Variants in SOX6 observed in about 807,000 individuals in gnomAD.
SOX6 encodes SRY-box transcription factor 6.
A neutral mutation model predicts 97.8 loss-of-function variants in SOX6; 11 were observed. The observed-to-expected ratio is 0.11, with a 90% CI of 0.07 to 0.19. The LOEUF (loss-of-function observed/expected upper bound fraction) is 0.19, where lower values mean the gene tolerates loss of function less well. Among genes scored for constraint, SOX6 ranks in the 10% least tolerant of loss-of-function variants. The pLI, the probability that SOX6 is intolerant of heterozygous loss-of-function variation, is 1.00. For missense variants in SOX6, 810 were observed against 1,039.5 expected (o/e 0.78, Z 3.04); for synonymous variants, 360 against 371.4 (o/e 0.97, Z 0.35).
At chr11:16,442,925 C>T (rs934141639) in intron 1 of SOX6, among the ~76,000 whole-genome samples, 1 of 152,120 alleles carries the variant, frequency 6.6e-6, no homozygotes, top group African/African-American at 2.4e-5. Context: ...AGGTTCATAT[C>T]AGGAAATAAT....
chr11:16,098,486 G>A (rs1026430846), intron 7 of SOX6, among the ~76,000 whole-genome samples: 67 of 151,798 alleles, frequency 4.4e-4, no homozygotes, highest in Admixed American at 3.9e-4. Flanking sequence ...TTCCTAAAAA[G>A]GGAGACGGAA....
In SOX6 at chr11:16,548,238, T is replaced by G. The variant is rs182569006; in HGVS notation, n.609+63843A>C. Among the ~76,000 whole-genome samples, 596 of 151,864 alleles carry G rather than the reference T, an allele frequency of 3.9e-3. 3 individuals carry two copies. Among genetic ancestry groups the G allele is most frequent in the African/African-American group, 0.014 (574 of 41,410 alleles). On this transcript the variant is annotated intron_variant and non_coding_transcript_variant, in intron 4 of 5. Transcript: ENST00000524520. ...CAAATAAATGTTTAGAGAGAATTCA[T>G]CAGCAGCAGCTCTACACTGCAAAAT...
chr11:16,379,679 G>A (rs1333464110), intron 1 of SOX6, among the ~76,000 whole-genome samples: 1 of 151,990 alleles, frequency 6.6e-6, no homozygotes, highest in African/African-American at 2.4e-5. Context: ...TTCCTGGGGG[G>A]CATTTTGGCA....
chr11:16,700,311 A>G (rs922184953), intron 3 of SOX6, among the ~76,000 whole-genome samples: 3 of 152,224 alleles, frequency 2.0e-5, no homozygotes, highest in Admixed American at 2.0e-4. Context: ...AGAACAAAGC[A>G]TTGATAACAG....
At chr11:16,377,336 T>C (rs185199542) in intron 1 of SOX6, among the ~76,000 whole-genome samples, 2 of 152,230 alleles carry the variant, frequency 1.3e-5, no homozygotes, top group East Asian at 3.9e-4. Context: ...AGTTCCCAGA[T>C]ATGCAAGGAC....
At chr11:16,261,637 G>GA (rs5789947) in intron 3 of SOX6, among the ~76,000 whole-genome samples, 25,132 of 148,022 alleles carry the variant, frequency 0.17, 2,544 homozygotes, top group Admixed American at 0.29. Flanking sequence ...TCTTTTATTT[G>GA]AAAAAAAAAA....
At chr11:16,398,182 G>A (rs993225434) in intron 1 of SOX6, among the ~76,000 whole-genome samples, 1 of 151,578 alleles carries the variant, frequency 6.6e-6, no homozygotes, top group Non-Finnish European at 1.5e-5. Context: ...AAGTTAGAGA[G>A]CCACTGCTCT....
intron 6 of SOX6, among the ~76,000 whole-genome samples, chr11:16,114,335 G>T (rs922178803): frequency 6.6e-6 from 1 of 152,128 alleles, no homozygotes; most frequent in African/African-American, 2.4e-5. Context: ...ATCTTGAACA[G>T]TTACTTAATT....
intron 1 of SOX6, among the ~76,000 whole-genome samples, chr11:16,414,456 G>C (rs1432248292): frequency 6.6e-6 from 1 of 152,072 alleles, no homozygotes; most frequent in Non-Finnish European, 1.5e-5. Flanking sequence ...GAAATTTGCA[G>C]AATTTTTAAT....
At chr11:16,370,877 G>A (rs543490915) in intron 1 of SOX6, among the ~76,000 whole-genome samples, 58 of 151,950 alleles carry the variant, frequency 3.8e-4, no homozygotes, top group African/African-American at 1.4e-3. Context: ...ACTACTCAAA[G>A]CCACCAAGAA....
intron 4 of SOX6, among the ~76,000 whole-genome samples, chr11:16,586,525 A>T (rs532218282): frequency 5.3e-5 from 8 of 152,180 alleles, no homozygotes; most frequent in Admixed American, 1.3e-4. Flanking sequence ...CCTGGGCAAG[A>T]CAGTGAGATC....
chr11:16,685,815 C>A (rs1847964992), intron 3 of SOX6, among the ~76,000 whole-genome samples: 1 of 152,256 alleles, frequency 6.6e-6, no homozygotes, highest in South Asian at 2.1e-4. Flanking sequence ...TACTGTTGTA[C>A]CCTGCAGTAG....
rs147204279 is a variant in SOX6, at chr11:16,226,575, C to T, written c.535+8007G>A. On this transcript the variant is annotated intron_variant, in intron 4 of 15. Coordinates refer to ENST00000683767, the MANE Select transcript of SOX6 (RefSeq NM_001367873.1). Reference sequence around the variant, plus strand: ...CTCAGGGAGACAGAGAATGAATCCTCATGCTCTAGACATCATGTAGTATGT... The same window carrying T: ...CTCAGGGAGACAGAGAATGAATCCTTATGCTCTAGACATCATGTAGTATGT... Among the ~76,000 whole-genome samples the T allele has an allele frequency of 1.3e-4, 20 of 152,298 alleles. No homozygotes were observed. In the East Asian group the frequency reaches 2.9e-3, roughly 22 times the overall value.
intron 4 of SOX6, among the ~76,000 whole-genome samples, chr11:16,603,258 G>A (rs1848292864): frequency 6.6e-6 from 1 of 152,170 alleles, no homozygotes. Context: ...CATGTTCATG[G>A]CTGCAGAAAT....
In SOX6 at chr11:16,613,804, T is replaced by C. The variant is rs1475923577; in HGVS notation, n.430-1544A>G. Among the ~76,000 whole-genome samples, 3 of 152,118 alleles carry C rather than the reference T, an allele frequency of 2.0e-5. No homozygotes were observed. The highest frequency in any genetic ancestry group is 4.4e-5 in the Non-Finnish European group (3 of 68,016). ...CCGGCGGTCAGGCTTGGCCGAGCTT[T>C]GTTTACGTGCCTAAGTCGCCACCTT... is the stretch of plus-strand genomic sequence containing the variant. On this transcript the variant is annotated intron_variant and non_coding_transcript_variant, in intron 3 of 5. Coordinates refer to the SOX6 transcript ENST00000524520. This position sits in a 1 kb window ranked among gnomAD's most constrained non-coding sequence, Gnocchi z 4.6.
At chr11:16,204,294 G>A (rs547778175) in intron 4 of SOX6, among the ~76,000 whole-genome samples, 5 of 151,994 alleles carry the variant, frequency 3.3e-5, no homozygotes, top group African/African-American at 7.2e-5. Context: ...ATAAATTTTC[G>A]TATCTCTAAA....
At chr11:16,576,795 A>G (rs1163432761) in intron 4 of SOX6, 1 of 152,242 alleles carries the variant, frequency 6.6e-6, no homozygotes, top group Non-Finnish European at 1.5e-5. Context: ...TACAGATATT[A>G]CAGATCAGAT....
At chr11:16,274,920 G>A (rs1450080067) in intron 3 of SOX6, among the ~76,000 whole-genome samples, 2 of 151,940 alleles carry the variant, frequency 1.3e-5, no homozygotes, top group African/African-American at 4.8e-5. Flanking sequence ...CCTAGGCAAG[G>A]GGCATTGGAC....
chr11:16,585,726 A>T (rs1848084844), intron 4 of SOX6, among the ~76,000 whole-genome samples: 1 of 120,344 alleles, frequency 8.3e-6, no homozygotes, highest in African/African-American at 3.3e-5. Context: ...TTTGTCACCC[A>T]GGCTGTAGTG....
Sources: allele counts gnomAD v4.1 joint callset (sites outside exome capture counted in the v4.1 genomes callset), GRCh38; gene constraint gnomAD v4.1.1; non-coding constraint Gnocchi (gnomAD v3.1); transcripts MANE v1.5; gene names NCBI Gene and HGNC (gene_info 2026-07-23, HGNC 2026-07-21).